PLCH1: variants seen among roughly 807,000 people sequenced by gnomAD.
PLCH1 encodes the protein phospholipase C eta 1, also known as 1-phosphatidylinositol 4,5-bisphosphate phosphodiesterase eta-1.
A neutral mutation model predicts 126.7 loss-of-function variants in PLCH1; 60 were observed. That is an observed-to-expected ratio of 0.47 (90% CI 0.38 to 0.59). The LOEUF (loss-of-function observed/expected upper bound fraction) is 0.59, where lower values mean the gene tolerates loss of function less well. Among genes scored for constraint, PLCH1 ranks in the 20% least tolerant of loss-of-function variants. PLCH1 has a pLI of 0.00. For missense variants in PLCH1, 1,723 were observed against 2,040.0 expected (o/e 0.84, Z 2.99); for synonymous variants, 719 against 734.9 (o/e 0.98, Z 0.35).
intron 1 of PLCH1, among the ~76,000 whole-genome samples, chr3:155,735,535 G>A (rs987840885): frequency 1.3e-5 from 2 of 151,606 alleles, no homozygotes; most frequent in Non-Finnish European, 2.9e-5. Flanking sequence ...TTGGGAGGCT[G>A]AGGCAGGAGA....
At chr3:155,631,211 G>C (rs1353431136) in intron 2 of PLCH1, among the ~76,000 whole-genome samples, 10 of 152,140 alleles carry the variant, frequency 6.6e-5, no homozygotes, top group African/African-American at 2.4e-4. Flanking sequence ...ACTCAGAGTA[G>C]ATGCTTGACA....
At chr3:155,680,756 T>C (rs1281768666) in intron 2 of PLCH1, among the ~76,000 whole-genome samples, 1 of 152,226 alleles carries the variant, frequency 6.6e-6, no homozygotes, top group Non-Finnish European at 1.5e-5. Context: ...AAAATCTATA[T>C]AGAAGGAAGT....
chr3:155,519,562 G>C (rs964376672), intron 11 of PLCH1, among the ~76,000 whole-genome samples: 1 of 151,916 alleles, frequency 6.6e-6, no homozygotes, highest in Non-Finnish European at 1.5e-5. Context: ...TCCTTGAAAG[G>C]AACCTTCCAA....
chr3:155,669,402 G>A (rs1189567825), intron 2 of PLCH1, among the ~76,000 whole-genome samples: 1 of 152,032 alleles, frequency 6.6e-6, no homozygotes, highest in Non-Finnish European at 1.5e-5. Flanking sequence ...AACATACTGA[G>A]ACCCCATCTC....
chr3:155,492,625 G>A (rs1716392822), intron 18 of PLCH1, 104 bp downstream of exon 18: 2 of 1,082,590 alleles, frequency 1.8e-6, no homozygotes, highest in Non-Finnish European at 2.6e-6. Context: ...TCAGTGCTCA[G>A]TTATGAACAC....
chr3:155,559,922 A>G (rs147144221), intron 8 of PLCH1, among the ~76,000 whole-genome samples: 165 of 152,346 alleles, frequency 1.1e-3, no homozygotes, highest in African/African-American at 3.8e-3. Context: ...TGTGTACTTT[A>G]TCATGAATTA....
At chr3:155,614,965 A>T (rs958253158) in intron 2 of PLCH1, among the ~76,000 whole-genome samples, 1 of 152,222 alleles carries the variant, frequency 6.6e-6, no homozygotes, top group Admixed American at 6.5e-5. Flanking sequence ...GCTTCTGCAC[A>T]GCAGAAGAAA....
At chr3:155,731,252 G>A (rs979508064) in intron 1 of PLCH1, among the ~76,000 whole-genome samples, 3 of 152,204 alleles carry the variant, frequency 2.0e-5, no homozygotes, top group Admixed American at 1.3e-4. Context: ...CTAGGTACCA[G>A]ACTCATCACA....
chr3:155,531,313 GT>G (rs1262979380), intron 10 of PLCH1, among the ~76,000 whole-genome samples: 2 of 152,198 alleles, frequency 1.3e-5, no homozygotes, highest in African/African-American at 4.8e-5. Flanking sequence ...ATATAAGGCT[GT>G]TTTGTTTACA....
intron 21 of PLCH1, among the ~76,000 whole-genome samples, chr3:155,470,008 A>T (rs1212786292): frequency 6.6e-6 from 1 of 152,168 alleles, no homozygotes; most frequent in Non-Finnish European, 1.5e-5. Context: ...AAACTCTAAA[A>T]CGCAGAACGC....
At position 155,488,809 on chromosome 3, in the gene PLCH1, C is replaced by T. The variant is rs533955149; in HGVS notation, c.2393-3G>A. ...TTCTTCCCACACAGGGTTAAATCCT[C>T]AGAGAAATAGGAAAAGAAAAATCAG... is the stretch of plus-strand genomic sequence containing the variant. On this transcript the variant is annotated splice_polypyrimidine_tract_variant and splice_region_variant and intron_variant, in intron 19 of 22. Transcript: ENST00000460012. 3.7e-6 allele frequency: 6 copies of T among 1,600,618 alleles called. No individual in the cohort carries two copies. Among genetic ancestry groups the T allele is most frequent in the South Asian group, 3.4e-5 (3 of 87,970 alleles).
intron 8 of PLCH1, among the ~76,000 whole-genome samples, chr3:155,558,219 T>C (rs971628677): frequency 2.6e-5 from 4 of 152,198 alleles, no homozygotes; most frequent in Non-Finnish European, 4.4e-5. Flanking sequence ...CTTCTCCATC[T>C]CTCAAGTGCT....
At position 155,607,648 on chromosome 3, in the gene PLCH1, G is replaced by A. The variant is rs138340117; in HGVS notation, c.80-11270C>T. Among the ~76,000 whole-genome samples, 451 of 152,182 alleles carry A rather than the reference G, an allele frequency of 3.0e-3. 2 individuals are homozygous for A. The highest frequency in any genetic ancestry group is 0.019 in the South Asian group (94 of 4,824). ...ATAAAAACAGGGTTTCACCATGTTG[G>A]CCAGGCTGGTCTCAAACTCCTGGGC... On this transcript the variant is annotated intron_variant, in intron 2 of 22. Coordinates refer to ENST00000460012, the MANE Select transcript of PLCH1 (RefSeq NM_014996.4).
intron 9 of PLCH1, among the ~76,000 whole-genome samples, chr3:155,550,673 C>T (rs1295495402): frequency 5.3e-5 from 8 of 152,208 alleles, no homozygotes; most frequent in Non-Finnish European, 1.0e-4. Flanking sequence ...TTACTCCTCT[C>T]TCAACCTTAT....
At chr3:155,676,193 ATGGC>A in intron 2 of PLCH1, 2 of 1,304,736 alleles carry the variant, frequency 1.5e-6, no homozygotes, top group Admixed American at 3.8e-5. Flanking sequence ...GCTGCCCTTT[ATGGC>A]ATGATGAGAT....
At chr3:155,618,845 G>T (rs1386091933) in intron 2 of PLCH1, among the ~76,000 whole-genome samples, 2 of 152,058 alleles carry the variant, frequency 1.3e-5, no homozygotes. Flanking sequence ...ACCACCAAGT[G>T]GCCCATTACC....
At chr3:155,504,294 G>A (rs1036334928) in intron 13 of PLCH1, among the ~76,000 whole-genome samples, 3 of 152,062 alleles carry the variant, frequency 2.0e-5, no homozygotes, top group Admixed American at 6.5e-5. Context: ...GTATATTTAA[G>A]ATGTTAAATA....
At chr3:155,714,647 C>T (rs1747378615) in intron 1 of PLCH1, among the ~76,000 whole-genome samples, 1 of 152,204 alleles carries the variant, frequency 6.6e-6, no homozygotes, top group African/African-American at 2.4e-5. Context: ...GCTGAAAATG[C>T]TCTGAGCTAG....
chr3:155,547,878 G>A (rs1485590049), intron 10 of PLCH1, among the ~76,000 whole-genome samples: 2 of 132,226 alleles, frequency 1.5e-5, no homozygotes, highest in Non-Finnish European at 1.6e-5. Context: ...ATCACACTCT[G>A]GGGACTGTTG....
Sources: allele counts gnomAD v4.1 joint callset (sites outside exome capture counted in the v4.1 genomes callset), GRCh38; gene constraint gnomAD v4.1.1; transcripts MANE v1.5; gene names NCBI Gene and HGNC (gene_info 2026-07-23, HGNC 2026-07-21).